The following PTPRN2 variants were observed in gnomAD, a reference collection of about 807,000 sequenced individuals.
PTPRN2 encodes receptor-type tyrosine-protein phosphatase N2.
In PTPRN2, 74 loss-of-function variants were observed where a neutral mutation model predicts 118.8. The observed-to-expected ratio is 0.62, with a 90% CI of 0.52 to 0.76. The LOEUF is 0.76. Among genes scored for constraint, PTPRN2 ranks in the 30% least tolerant of loss-of-function variants. The pLI, the probability that PTPRN2 is intolerant of heterozygous loss-of-function variation, is 0.00. For missense variants in PTPRN2, 1,481 were observed against 1,394.4 expected (o/e 1.06, Z -0.99); for synonymous variants, 641 against 608.0 (o/e 1.05, Z -0.80).
chr7:158,134,135 G>A (rs984880029), intron 8 of PTPRN2, 76 bp from the exon 9 acceptor site: 160 of 1,496,266 alleles, frequency 1.1e-4, no homozygotes, highest in Non-Finnish European at 1.4e-4. Flanking sequence ...AGGGCTGCCC[G>A]GGACAGAGTC....
intron 2 of PTPRN2, among the ~76,000 whole-genome samples, chr7:158,336,855 CCAT>C (rs1805663976): frequency 9.7e-6 from 1 of 103,320 alleles, no homozygotes; most frequent in Non-Finnish European, 2.2e-5. Flanking sequence ...CACACTCTCA[CCAT>C]AAGAGCTGTC....
rs1585183360 is a variant in PTPRN2 at position 158,003,507 on chromosome 7, T to C, written c.1723+77791A>G. On this transcript the variant is annotated intron_variant, in intron 11 of 22. Coordinates refer to ENST00000389418, the MANE Select transcript of PTPRN2 (RefSeq NM_002847.5). The surrounding 1 kb of genome is among the most constrained non-coding windows in gnomAD (Gnocchi z 5.0). ...AAGAGGAAGAGACACACAGCCTGCA[T>C]CTACACAGAAGGACAGCCCCTGAGG... Among the ~76,000 whole-genome samples, 1 of 151,346 alleles carries C rather than the reference T, an allele frequency of 6.6e-6. No individual in the cohort carries two copies. Among genetic ancestry groups the C allele is most frequent in the Admixed American group, 6.6e-5 (1 of 15,244 alleles).
chr7:157,986,961 C>G lies in PTPRN2; in HGVS notation c.1724-88224G>C. ...AGCTATAGCCGCAGTGAGAGGGAGG[C>G]TGCTGGACACGCTGGGGTTCACCTG... On this transcript the variant is annotated intron_variant, in intron 11 of 22. Coordinates refer to ENST00000389418, the MANE Select transcript of PTPRN2 (RefSeq NM_002847.5). This position sits in a 1 kb window ranked among gnomAD's most constrained non-coding sequence, Gnocchi z 4.5. Among the ~76,000 whole-genome samples the G allele has an allele frequency of 6.6e-6, 1 of 152,168 alleles. No homozygotes were observed. The highest frequency in any genetic ancestry group is 2.4e-5 in the African/African-American group (1 of 41,440).
rs1005032435 is a variant in PTPRN2, at chr7:158,509,852, G to C, written c.113-20067C>G. ...TGGCCGAGAGGGCTGTAAGTGATTTGGTGCATCTTAGATAGTCATTCCACC... is the reference window on the plus strand; with the variant it reads ...TGGCCGAGAGGGCTGTAAGTGATTTCGTGCATCTTAGATAGTCATTCCACC... On this transcript the variant is annotated intron_variant, in intron 1 of 22. Transcript: ENST00000389418. This position sits in a 1 kb window ranked among gnomAD's most constrained non-coding sequence, Gnocchi z 4.4. Among the ~76,000 whole-genome samples, 1 of 152,188 alleles carries C rather than the reference G, an allele frequency of 6.6e-6. No individual in the cohort carries two copies. The highest frequency in any genetic ancestry group is 2.4e-5 in the African/African-American group (1 of 41,442).
chr7:158,523,533 C>CA (rs1373543659), intron 1 of PTPRN2, among the ~76,000 whole-genome samples: 3 of 92,814 alleles, frequency 3.2e-5, no homozygotes, highest in Non-Finnish European at 4.7e-5. Flanking sequence ...GGAGCAGAGT[C>CA]TGCCCTGGAA....
At chr7:157,931,690 GA>G (rs1193127980) in intron 11 of PTPRN2, among the ~76,000 whole-genome samples, 2 of 152,104 alleles carry the variant, frequency 1.3e-5, no homozygotes, top group Non-Finnish European at 2.9e-5. Context: ...CATTTTCAGT[GA>G]GTTACCGAGA....
chr7:157,924,372 C>T (rs1203698237), intron 11 of PTPRN2, among the ~76,000 whole-genome samples: 1 of 152,212 alleles, frequency 6.6e-6, no homozygotes. Context: ...GCGAGGTGCA[C>T]AGCCCCTGGA....
rs987054132 is a variant in PTPRN2, at chr7:157,667,119, T to A, written c.2002-10568A>T. ...CAGCCTGTGGGACACTGATCTCTGG[T>A]GGGTGCAATGAGTACACAGCCTGGC... On this transcript the variant is annotated intron_variant, in intron 13 of 22. Coordinates refer to ENST00000389418, the MANE Select transcript of PTPRN2 (RefSeq NM_002847.5). Among the ~76,000 whole-genome samples the A allele has an allele frequency of 2.9e-5, 3 of 103,230 alleles. No individual in the cohort carries two copies. In the East Asian group the frequency reaches 6.7e-4, roughly 23 times the overall value. 67.7% of individuals were successfully genotyped at this position (103,230 alleles called of 152,430 possible).
chr7:158,402,345 T>C (rs1270250017), intron 2 of PTPRN2, among the ~76,000 whole-genome samples: 1 of 151,932 alleles, frequency 6.6e-6, no homozygotes, highest in East Asian at 1.9e-4. Context: ...ACACATGCAT[T>C]CCAGCTCGCA....
Position 158,205,165 on chromosome 7 carries a change from A to C in PTPRN2, c.380+6T>G. The C allele has an allele frequency of 6.2e-7, 1 of 1,609,612 alleles. No homozygotes were observed. Among genetic ancestry groups the C allele is most frequent in the Non-Finnish European group, 8.5e-7 (1 of 1,175,872 alleles). On this transcript the variant is annotated splice_donor_region_variant and intron_variant, in intron 4 of 22. Transcript: ENST00000389418. The stretch of plus-strand genomic sequence containing the variant: ...GCAAGGAGCAACAAGCCACGTCCAC[A>C]CTTACCTGGCTGGGCTGGATGCTTC...
At chr7:158,255,851 G>A (rs1032530254) in intron 3 of PTPRN2, among the ~76,000 whole-genome samples, 8 of 150,912 alleles carry the variant, frequency 5.3e-5, no homozygotes, top group Non-Finnish European at 7.4e-5. Flanking sequence ...CAGGGCACCC[G>A]TCCTCACTGC....
chr7:157,885,390 C>T (rs1187450767), intron 12 of PTPRN2, among the ~76,000 whole-genome samples: 1 of 152,178 alleles, frequency 6.6e-6, no homozygotes, highest in East Asian at 1.9e-4. Context: ...CCAGGCCTAG[C>T]CTCTCCAGGG....
chr7:158,500,485 A>C (rs1822283192), intron 1 of PTPRN2, among the ~76,000 whole-genome samples: 1 of 152,262 alleles, frequency 6.6e-6, no homozygotes, highest in African/African-American at 2.4e-5. Flanking sequence ...AGCTGGTGGC[A>C]GCTCTGGAGG....
At chr7:157,760,507 G>A (rs1351304722) in intron 12 of PTPRN2, among the ~76,000 whole-genome samples, 1 of 152,016 alleles carries the variant, frequency 6.6e-6, no homozygotes, top group African/African-American at 2.4e-5. Flanking sequence ...AGGAGAATGA[G>A]CAGAGCCAGT....
chr7:158,464,078 G>A (rs112883505), intron 2 of PTPRN2, among the ~76,000 whole-genome samples: 13 of 53,550 alleles, frequency 2.4e-4, no homozygotes, highest in African/African-American at 8.6e-4. Flanking sequence ...CATCACCACC[G>A]TCATCATCCT....
At chr7:158,196,584 G>C (rs1045251426) in intron 4 of PTPRN2, among the ~76,000 whole-genome samples, 3 of 152,126 alleles carry the variant, frequency 2.0e-5, no homozygotes, top group Non-Finnish European at 4.4e-5. Context: ...TCCCCATGAG[G>C]GGTCTTCCCA....
chr7:157,801,676 C>G lies in PTPRN2; in HGVS notation c.1788+96997G>C, dbSNP rs1805313640. 6.6e-6 allele frequency among the ~76,000 whole-genome samples: 1 copy of G among 152,080 alleles called. No homozygotes were observed. The highest frequency in any genetic ancestry group is 1.5e-5 in the Non-Finnish European group (1 of 68,024). ...TCTAGGGAAAAATTTGATGGGCACGCTATGATTTATTGCCAAATGATATTT... is the reference window on the plus strand; with the variant it reads ...TCTAGGGAAAAATTTGATGGGCACGGTATGATTTATTGCCAAATGATATTT... On this transcript the variant is annotated intron_variant, in intron 12 of 22. Transcript: ENST00000389418. This position sits in a 1 kb window ranked among gnomAD's most constrained non-coding sequence, Gnocchi z 4.2.
intron 12 of PTPRN2, among the ~76,000 whole-genome samples, chr7:157,891,071 G>C (rs1796773086): frequency 6.6e-6 from 1 of 152,156 alleles, no homozygotes. Flanking sequence ...CCTCTCCTGG[G>C]TCACACCTGG....
intron 10 of PTPRN2, among the ~76,000 whole-genome samples, chr7:158,084,057 G>A (rs556398995): frequency 2.6e-5 from 4 of 152,172 alleles, no homozygotes; most frequent in African/African-American, 7.2e-5. Context: ...CTCAGCTGTC[G>A]AGTGTGGCAA....
Sources: gnomAD v4.1 joint callset for allele counts (sites outside exome capture counted in the v4.1 genomes callset) on GRCh38, gnomAD v4.1.1 for gene constraint, Gnocchi (gnomAD v3.1) non-coding constraint, MANE v1.5 for transcripts, NCBI Gene and HGNC (gene_info 2026-07-23, HGNC 2026-07-21) for gene names.